The following SFT2D2 variants were observed in gnomAD, a reference collection of about 807,000 sequenced individuals.
SFT2D2 encodes vesicle transport protein SFT2B.
In SFT2D2, 21 loss-of-function variants were observed where a neutral mutation model predicts 27.4. The ratio of observed to expected loss-of-function variants is 0.77; its 90% CI spans 0.54 to 1.10. SFT2D2 has a LOEUF of 1.10. SFT2D2 is among the 50% of genes least tolerant of loss of function. SFT2D2 has a pLI of 0.00. For missense variants in SFT2D2, 187 were observed against 194.2 expected (o/e 0.96, Z 0.22); for synonymous variants, 72 against 71.7 (o/e 1.00, Z -0.02).
At position 168,252,712 on chromosome 1, in the gene SFT2D2, T is replaced by C. The variant is rs1647976179; in HGVS notation, c.*10172T>C. 6.6e-6 allele frequency: 1 copy of C among 152,242 alleles called. No individual in the cohort carries two copies. Among genetic ancestry groups the C allele is most frequent in the Non-Finnish European group, 1.5e-5 (1 of 68,046 alleles). The allele number at this position is 152,242 out of a possible 1,614,324, so 9.4% of individuals were successfully genotyped here. A position where few individuals can be genotyped will look rare whatever the true frequency, so the allele number is the denominator to read the frequency against. ...GTGAATGCATATGCCTTTAGAATAT[T>C]GTGCCTGTTTTAAAATGTTTGAGCT... is the stretch of plus-strand genomic sequence containing the variant. On this transcript the variant is annotated 3_prime_UTR_variant, in exon 8 of 8. Transcript: ENST00000271375.
chr1:168,240,561 C>T (rs537705097), intron 7 of SFT2D2, among the ~76,000 whole-genome samples: 89 of 152,108 alleles, frequency 5.9e-4, no homozygotes, highest in South Asian at 1.2e-3. Context: ...ATTTTTTGGT[C>T]CCTGAACCAG....
rs1454042983 is a variant in SFT2D2 at position 168,245,191 on chromosome 1, C to T, written c.*2651C>T. The T allele has an allele frequency of 6.6e-6, 1 of 152,108 alleles. No homozygotes were observed. Among genetic ancestry groups the T allele is most frequent in the Non-Finnish European group, 1.5e-5 (1 of 68,016 alleles). 9.4% of individuals were successfully genotyped at this position (152,108 alleles called of 1,614,324 possible). On this transcript the variant is annotated 3_prime_UTR_variant, in exon 8 of 8. Coordinates refer to ENST00000271375, the MANE Select transcript of SFT2D2 (RefSeq NM_199344.3). ...AAAACTGTCTATTCACAGATATTAT[C>T]ATCTATGTAGAAAACCAAATCAAAT...
Position 168,244,937 on chromosome 1 carries a change from C to G in SFT2D2, c.*2397C>G, listed in dbSNP as rs939601276. ...AGGGATACAAGAGAATTTCCTCAAC[C>G]TGTCGAAGGGCATCTTTAAAATATC... On this transcript the variant is annotated 3_prime_UTR_variant, in exon 8 of 8. Coordinates refer to ENST00000271375, the MANE Select transcript of SFT2D2 (RefSeq NM_199344.3). 6.6e-6 allele frequency: 1 copy of G among 152,116 alleles called. No homozygotes were observed. Among genetic ancestry groups the G allele is most frequent in the Non-Finnish European group, 1.5e-5 (1 of 68,034 alleles). 9.4% of individuals were successfully genotyped at this position (152,116 alleles called of 1,614,324 possible).
intron 3 of SFT2D2, among the ~76,000 whole-genome samples, chr1:168,232,700 T>C (rs1468705260): frequency 6.6e-6 from 1 of 152,190 alleles, no homozygotes; most frequent in African/African-American, 2.4e-5. Context: ...ACTTGCATGC[T>C]CAATGGGTAA....
intron 7 of SFT2D2, among the ~76,000 whole-genome samples, chr1:168,241,317 TC>T (rs1260937723): frequency 2.0e-5 from 3 of 150,812 alleles, no homozygotes; most frequent in African/African-American, 7.3e-5. Flanking sequence ...CAAGCTGTTC[TC>T]CTGCCTCAGC....
Position 168,231,492 on chromosome 1 carries a change from ATT to A in SFT2D2, c.64-11_64-10del, listed in dbSNP as rs113808778. 49 of 1,408,680 alleles carry A rather than the reference ATT, an allele frequency of 3.5e-5. No homozygotes were observed. Among genetic ancestry groups the A allele is most frequent in the African/African-American group, 3.3e-4 (22 of 67,442 alleles). 87.3% of individuals were successfully genotyped at this position (1,408,680 alleles called of 1,614,324 possible). On this transcript the variant is annotated intron_variant, in intron 1 of 7. Transcript: ENST00000271375. ...TTTTAGTAAATGTGTGTGTATATGT[ATT>A]TTTTTTTTTTCAATTTTAGGTTGTT...
intron 1 of SFT2D2, among the ~76,000 whole-genome samples, chr1:168,226,581 G>T (rs759752367): frequency 6.6e-6 from 1 of 151,804 alleles, no homozygotes; most frequent in Non-Finnish European, 1.5e-5. Context: ...ACCTCGCGAC[G>T]GGGCTGGTGG....
chr1:168,246,472 A>G lies in SFT2D2; in HGVS notation c.*3932A>G, dbSNP rs141305908. ...CTCTCTTTGTATGTGTTCAAAAACC[A>G]AAGCGTTTTCTTTCAGAGCCTCTCT... On this transcript the variant is annotated 3_prime_UTR_variant, in exon 8 of 8. Coordinates refer to ENST00000271375, the MANE Select transcript of SFT2D2 (RefSeq NM_199344.3). The G allele has an allele frequency of 1.9e-3, 2,640 of 1,366,796 alleles. 32 individuals are homozygous for G. In the African/African-American group the frequency reaches 0.032, roughly 16 times the overall value. 84.7% of individuals were successfully genotyped at this position (1,366,796 alleles called of 1,614,324 possible). A position where few individuals can be genotyped will look rare whatever the true frequency, so the allele number is the denominator to read the frequency against.
chr1:168,241,134 TC>T (rs1647633112), intron 7 of SFT2D2, among the ~76,000 whole-genome samples: 1 of 151,958 alleles, frequency 6.6e-6, no homozygotes, highest in Admixed American at 6.6e-5. Context: ...ATAGTGAGTT[TC>T]ATGTGCTGAG....
chr1:168,246,271 C>T lies in SFT2D2; in HGVS notation c.*3731C>T. ...TCACATTTGGCTTGACTATCAATTA[C>T]TGTTTTTTCTTGATTGTCAGCTTTG... is the stretch of plus-strand genomic sequence containing the variant. On this transcript the variant is annotated 3_prime_UTR_variant, in exon 8 of 8. Transcript: ENST00000271375. The T allele has an allele frequency of 5.3e-6, 2 of 375,512 alleles. No individual in the cohort carries two copies. Among genetic ancestry groups the T allele is most frequent in the Admixed American group, 4.2e-5 (1 of 23,650 alleles). The allele number at this position is 375,512 out of a possible 1,614,324, so 23.3% of individuals were successfully genotyped here. A position where few individuals can be genotyped will look rare whatever the true frequency, so the allele number is the denominator to read the frequency against.
chr1:168,235,073 G>T, intron 3 of SFT2D2, 28 bp from the exon 4 acceptor site: 2 of 1,608,034 alleles, frequency 1.2e-6, no homozygotes, highest in South Asian at 2.2e-5. Flanking sequence ...TGTTCTGAAC[G>T]GCTTGTGTGC....
chr1:168,226,007 CG>C lies in SFT2D2; in HGVS notation c.-71del. The C allele has an allele frequency of 7.2e-7, 1 of 1,385,868 alleles. No homozygotes were observed. Among genetic ancestry groups the C allele is most frequent in the Non-Finnish European group, 9.5e-7 (1 of 1,048,230 alleles). The allele number at this position is 1,385,868 out of a possible 1,614,324, so 85.8% of individuals were successfully genotyped here. ...GGCGGCTGGGCGGCTGCCTAGCACCCGGAAGAGCCGTCAACTTAGCGAGCGC... is the reference window on the plus strand; with the variant it reads ...GGCGGCTGGGCGGCTGCCTAGCACCCGAAGAGCCGTCAACTTAGCGAGCGC... On this transcript the variant is annotated 5_prime_UTR_variant, in exon 1 of 8. Coordinates refer to ENST00000271375, the MANE Select transcript of SFT2D2 (RefSeq NM_199344.3).
At position 168,246,891 on chromosome 1, in the gene SFT2D2, T is replaced by C. The variant is rs1027585450; in HGVS notation, c.*4351T>C. On this transcript the variant is annotated 3_prime_UTR_variant, in exon 8 of 8. Coordinates refer to ENST00000271375, the MANE Select transcript of SFT2D2 (RefSeq NM_199344.3). ...CTTTCTTTTTATAATTTCAATGTCT[T>C]TTAAGTATTTCTTTTCCAGGATTTG... The C allele has an allele frequency of 3.4e-6, 2 of 587,976 alleles. No homozygotes were observed. The highest frequency in any genetic ancestry group is 6.3e-6 in the Non-Finnish European group (2 of 319,592). The allele number at this position is 587,976 out of a possible 1,614,324, so 36.4% of individuals were successfully genotyped here. A position where few individuals can be genotyped will look rare whatever the true frequency, so the allele number is the denominator to read the frequency against.
intron 6 of SFT2D2, among the ~76,000 whole-genome samples, 154 bp from the exon 7 acceptor site, chr1:168,238,977 G>T (rs547279847): frequency 6.6e-6 from 1 of 152,304 alleles, no homozygotes; most frequent in East Asian, 1.9e-4. Context: ...ACATGCGTGG[G>T]CCTTTGTGTG....
rs913367633 is a variant in SFT2D2 at position 168,249,045 on chromosome 1, G to A, written c.*6505G>A. 6.6e-6 allele frequency: 1 copy of A among 151,604 alleles called. No individual in the cohort carries two copies. Among genetic ancestry groups the A allele is most frequent in the East Asian group, 1.9e-4 (1 of 5,160 alleles). 9.4% of individuals were successfully genotyped at this position (151,604 alleles called of 1,614,324 possible). ...TGATCTTTTCAAAAAACCAGCTCCTGGATTCATTGTTTTTTTCGTGGTCTC... is the reference window on the plus strand; with the variant it reads ...TGATCTTTTCAAAAAACCAGCTCCTAGATTCATTGTTTTTTTCGTGGTCTC... On this transcript the variant is annotated 3_prime_UTR_variant, in exon 8 of 8. Transcript: ENST00000271375.
At chr1:168,231,790 G>A in intron 2 of SFT2D2, 44 bp from the exon 3 acceptor site, 1 of 1,593,504 alleles carries the variant, frequency 6.3e-7, no homozygotes, top group Non-Finnish European at 8.6e-7. Context: ...GTGTGGCCGG[G>A]TGGGAGGGTT....
rs1303229913 is a variant in SFT2D2, at chr1:168,249,680, T to C, written c.*7140T>C. On this transcript the variant is annotated 3_prime_UTR_variant, in exon 8 of 8. Transcript: ENST00000271375. ...CTGTGAGCTGTGACTAGTCATATAC[T>C]AGTTGTGTCATTTTGAACAGGTTAC... 2 of 152,702 alleles carry C rather than the reference T, an allele frequency of 1.3e-5. No homozygotes were observed. Among genetic ancestry groups the C allele is most frequent in the Non-Finnish European group, 2.9e-5 (2 of 68,052 alleles). 9.5% of individuals were successfully genotyped at this position (152,702 alleles called of 1,614,324 possible).
In SFT2D2 at chr1:168,246,592, TG is replaced by T; in HGVS notation, c.*4053del. ...CAGAACATGAGAATTCAAATTTTCC[TG>T]TAAATGACGCAATTTATCTACTGTG... is the stretch of plus-strand genomic sequence containing the variant. On this transcript the variant is annotated 3_prime_UTR_variant, in exon 8 of 8. Transcript: ENST00000271375. The T allele has an allele frequency of 6.6e-7, 1 of 1,504,368 alleles. No individual in the cohort carries two copies. Among genetic ancestry groups the T allele is most frequent in the Non-Finnish European group, 9.1e-7 (1 of 1,098,208 alleles). 93.2% of individuals were successfully genotyped at this position (1,504,368 alleles called of 1,614,324 possible).
rs1647935703 is a variant in SFT2D2, at chr1:168,250,864, A to C, written c.*8324A>C. ...ACATGGTCCCCAGTGTAGCATTTTC[A>C]CTGGGTTGATTATCTCAGTGGTGGA... On this transcript the variant is annotated 3_prime_UTR_variant, in exon 8 of 8. Transcript: ENST00000271375. 6.6e-6 allele frequency: 1 copy of C among 152,014 alleles called. No individual in the cohort carries two copies. Among genetic ancestry groups the C allele is most frequent in the South Asian group, 2.1e-4 (1 of 4,792 alleles). The allele number at this position is 152,014 out of a possible 1,614,324, so 9.4% of individuals were successfully genotyped here. A position where few individuals can be genotyped will look rare whatever the true frequency, so the allele number is the denominator to read the frequency against.
Sources: gnomAD v4.1 joint callset for allele counts (sites outside exome capture counted in the v4.1 genomes callset) on GRCh38, gnomAD v4.1.1 for gene constraint, MANE v1.5 for transcripts, NCBI Gene and HGNC (gene_info 2026-07-23, HGNC 2026-07-21) for gene names.